The following PDE8B variants were observed in gnomAD, a reference collection of about 807,000 sequenced individuals.
PDE8B encodes high affinity cAMP-specific and IBMX-insensitive 3',5'-cyclic phosphodiesterase 8B.
In PDE8B, 26 loss-of-function variants were observed where a neutral mutation model predicts 101.3. That is an observed-to-expected ratio of 0.26 (90% CI 0.19 to 0.36). PDE8B has a LOEUF of 0.36. Among genes scored for constraint, PDE8B ranks in the 10% least tolerant of loss-of-function variants. The pLI is 1.00. For missense variants in PDE8B, 810 were observed against 1,163.1 expected, an observed-to-expected ratio of 0.70 and a Z score of 4.42; for synonymous variants, 424 against 429.3, an observed-to-expected ratio of 0.99 and a Z score of 0.15.
At chr5:77,240,196 C>T (rs975499611) in intron 1 of PDE8B, among the ~76,000 whole-genome samples, 1 of 152,074 alleles carries the variant, frequency 6.6e-6, no homozygotes, top group Non-Finnish European at 1.5e-5. Context: ...CTCTATTGCC[C>T]AGGCTGGAGT....
the PDE8B span, among the ~76,000 whole-genome samples, chr5:77,107,436 A>AT: frequency 6.6e-6 from 1 of 152,054 alleles, no homozygotes; most frequent in South Asian, 2.1e-4. Context: ...ATTCCTTAGG[A>AT]TTTTCTAACA....
chr5:77,407,039 G>A (rs1015872001), intron 12 of PDE8B, among the ~76,000 whole-genome samples: 4 of 152,188 alleles, frequency 2.6e-5, no homozygotes. Context: ...TGCAAAAGTT[G>A]GGTTTGGGTG....
At chr5:77,326,648 T>A (rs1369020347) in intron 3 of PDE8B, among the ~76,000 whole-genome samples, 1 of 152,162 alleles carries the variant, frequency 6.6e-6, no homozygotes, top group Non-Finnish European at 1.5e-5. Context: ...TGCATAAACA[T>A]ATTTTTCTAT....
intron 10 of PDE8B, among the ~76,000 whole-genome samples, chr5:77,378,605 CAGT>C (rs1339924641): frequency 6.6e-6 from 1 of 151,778 alleles, no homozygotes; most frequent in Non-Finnish European, 1.5e-5. Flanking sequence ...GATTCCAATT[CAGT>C]AGTCAGAGAG....
intron 1 of PDE8B, chr5:77,291,812 T>C: frequency 6.4e-7 from 1 of 1,558,790 alleles, no homozygotes; most frequent in Non-Finnish European, 8.8e-7. Context: ...AAAGGTGTTT[T>C]AGATGAACAT....
rs189706845 is a variant in PDE8B, at chr5:77,385,049, T to C, written c.1168-15199T>C. On this transcript the variant is annotated intron_variant, in intron 10 of 21. Transcript: ENST00000264917. Reference sequence around the variant, plus strand: ...TTTGGAATAGTTTTAGAATGAATGGTACCAGCTCCTCTTTGTACCTTTGGT... The same window carrying C: ...TTTGGAATAGTTTTAGAATGAATGGCACCAGCTCCTCTTTGTACCTTTGGT... Among the ~76,000 whole-genome samples, 21 of 152,310 alleles carry C rather than the reference T, an allele frequency of 1.4e-4. No homozygotes were observed. The East Asian group carries it at 3.9e-3, about 28-fold the overall frequency.
At chr5:77,245,637 T>G (rs1003904505) in intron 1 of PDE8B, among the ~76,000 whole-genome samples, 2 of 152,196 alleles carry the variant, frequency 1.3e-5, no homozygotes, top group Non-Finnish European at 2.9e-5. Context: ...TGTGTGCACA[T>G]GTGTGCATGT....
chr5:77,097,712 T>TATATATATATATATAG, the PDE8B span, among the ~76,000 whole-genome samples: 1 of 35,410 alleles, frequency 2.8e-5, no homozygotes, highest in Non-Finnish European at 9.9e-5. Flanking sequence ...TATATCTATA[T>TATATATATATATATAG]ATATATATAT....
chr5:77,400,033 T>C (rs577857124), intron 10 of PDE8B, among the ~76,000 whole-genome samples: 1 of 152,308 alleles, frequency 6.6e-6, no homozygotes, highest in South Asian at 2.1e-4. Context: ...ACCTTCCTGC[T>C]CTCAGGCTCA....
chr5:77,127,095 T>A, the PDE8B span, among the ~76,000 whole-genome samples: 1 of 152,298 alleles, frequency 6.6e-6, no homozygotes, highest in East Asian at 1.9e-4. Flanking sequence ...CCCACCCTAG[T>A]GCAACATCCT....
chr5:77,222,104 A>G (rs546862959), intron 1 of PDE8B, among the ~76,000 whole-genome samples: 1 of 152,292 alleles, frequency 6.6e-6, no homozygotes, highest in African/African-American at 2.4e-5. Context: ...TGTGAAGGAA[A>G]GGTGCTCACT....
intron 10 of PDE8B, among the ~76,000 whole-genome samples, chr5:77,383,416 G>C (rs1406083037): frequency 6.6e-6 from 1 of 152,130 alleles, no homozygotes; most frequent in Non-Finnish European, 1.5e-5. Flanking sequence ...TTCTTTTGCT[G>C]TGCAGAAGCT....
chr5:77,293,332 G>A (rs72766950), intron 1 of PDE8B, among the ~76,000 whole-genome samples: 6,211 of 152,176 alleles, frequency 0.041, 176 homozygotes, highest in African/African-American at 0.072. Context: ...GCCAGTGGCT[G>A]GAATTTATTC....
At chr5:77,350,987 T>G in intron 8 of PDE8B, 78 bp from the exon 9 acceptor site, 1 of 1,008,440 alleles carries the variant, frequency 9.9e-7, no homozygotes, top group South Asian at 1.3e-5. Context: ...ATGTTCCTTC[T>G]CAGCCTTCTG....
At chr5:77,128,864 C>T in the PDE8B span, among the ~76,000 whole-genome samples, 22 of 152,240 alleles carry the variant, frequency 1.4e-4, no homozygotes, top group South Asian at 2.1e-4. Context: ...TGTGGTTGTA[C>T]GGGGTTTGGT....
chr5:77,373,267 G>T (rs1184473743), intron 10 of PDE8B, among the ~76,000 whole-genome samples: 1 of 151,892 alleles, frequency 6.6e-6, no homozygotes, highest in Non-Finnish European at 1.5e-5. Context: ...GGTTTAGTTT[G>T]CTCCTTTTTT....
the PDE8B span, among the ~76,000 whole-genome samples, chr5:77,201,102 G>C: frequency 5.3e-5 from 8 of 152,188 alleles, no homozygotes; most frequent in Non-Finnish European, 8.8e-5. Flanking sequence ...GGCACCTTAA[G>C]CTAGTTAAGA....
intron 10 of PDE8B, among the ~76,000 whole-genome samples, chr5:77,397,012 A>G (rs1205114001): frequency 8.6e-6 from 1 of 116,416 alleles, no homozygotes; most frequent in Non-Finnish European, 1.8e-5. Context: ...TGGTTTCTAT[A>G]TTTCCGATAA....
At chr5:77,419,492 C>T (rs985843951) in intron 18 of PDE8B, among the ~76,000 whole-genome samples, 4 of 152,186 alleles carry the variant, frequency 2.6e-5, no homozygotes, top group African/African-American at 9.7e-5. Context: ...GGGGAATCAC[C>T]TTGTCAGATA....
Sources: gnomAD v4.1 joint callset for allele counts (sites outside exome capture counted in the v4.1 genomes callset) on GRCh38, gnomAD v4.1.1 for gene constraint, MANE v1.5 for transcripts, NCBI Gene and HGNC (gene_info 2026-07-23, HGNC 2026-07-21) for gene names.